The following APLF variants were observed in gnomAD, a reference collection of about 807,000 sequenced individuals.
APLF encodes the protein aprataxin and PNKP like factor.
In APLF, 61 loss-of-function variants were observed where a neutral mutation model predicts 55.6. The ratio of observed to expected loss-of-function variants is 1.10; its 90% CI spans 0.89 to 1.36. The LOEUF (loss-of-function observed/expected upper bound fraction) is 1.36. Ranked by LOEUF, APLF falls within the 40% of genes most tolerant of loss-of-function variation. The pLI is 0.00. For synonymous variants in APLF, 207 were observed against 214.8 expected, an observed-to-expected ratio of 0.96 and a Z score of 0.32; for missense variants, 611 against 602.5, an observed-to-expected ratio of 1.01 and a Z score of -0.15.
At chr2:68,472,570 A>G (rs1439854233) in intron 1 of APLF, among the ~76,000 whole-genome samples, 2 of 152,204 alleles carry the variant, frequency 1.3e-5, no homozygotes, top group African/African-American at 4.8e-5. Context: ...GTCACAGGGT[A>G]CAGAGAGGTA....
chr2:68,563,321 TC>T, intron 8 of APLF: 1 of 983,966 alleles, frequency 1.0e-6, no homozygotes, highest in Non-Finnish European at 1.2e-6. Flanking sequence ...TTTCTGCTCT[TC>T]CTTTTTGGAA....
At chr2:68,567,060 ATT>A (rs1315843874) in intron 8 of APLF, among the ~76,000 whole-genome samples, 1 of 152,080 alleles carries the variant, frequency 6.6e-6, no homozygotes, top group Non-Finnish European at 1.5e-5. Flanking sequence ...AATATGATAT[ATT>A]ATGGAAATAT....
At chr2:68,505,039 G>T (rs918485980) in intron 3 of APLF, among the ~76,000 whole-genome samples, 3 of 151,998 alleles carry the variant, frequency 2.0e-5, no homozygotes, top group South Asian at 2.1e-4. Flanking sequence ...TCACACTTCA[G>T]ATATGTGCAT....
At position 68,527,940 on chromosome 2, in the gene APLF, C is replaced by A. The variant is rs183491023; in HGVS notation, c.804+1698C>A. On this transcript the variant is annotated intron_variant, in intron 6 of 9. Transcript: ENST00000303795. ...GGCACTCCTCACTGCCCAGACGGGG[C>A]AGGGCCCGGGCAGAGGCGCCCTTCA... Among the ~76,000 whole-genome samples the A allele has an allele frequency of 2.1e-5, 3 of 146,208 alleles. No homozygotes were observed. The South Asian group carries it at 6.5e-4, about 32-fold the overall frequency.
In APLF at chr2:68,577,986, T is replaced by C. The variant is rs779774961; in HGVS notation, c.1500T>C (p.Leu500=). 5.6e-6 allele frequency: 9 copies of C among 1,613,338 alleles called. No individual in the cohort carries two copies. The highest frequency in any genetic ancestry group is 1.7e-5 in the Admixed American group (1 of 59,902). Reference sequence around the variant, plus strand: ...AAGAGAAGGAAGATGTGGAAGAGCTTTTGAAAGAAGCAAAAAGGTTTATGA... The same window carrying C: ...AAGAGAAGGAAGATGTGGAAGAGCTCTTGAAAGAAGCAAAAAGGTTTATGA... ...EDEEKEDVEE[L]LKEAKRFMKR... The change falls in exon 10 of 10, where the codon CTT becomes CTC. Residue 500 remains leucine (L), a synonymous_variant. Transcript: ENST00000303795.
intron 1 of APLF, among the ~76,000 whole-genome samples, chr2:68,486,721 T>G (rs1676186919): frequency 6.6e-6 from 1 of 152,204 alleles, no homozygotes; most frequent in Non-Finnish European, 1.5e-5. Flanking sequence ...TTTGTTGATT[T>G]CTTTGAAGAA....
chr2:68,501,271 A>G (rs1297581252), intron 2 of APLF, among the ~76,000 whole-genome samples: 1 of 152,158 alleles, frequency 6.6e-6, no homozygotes, highest in Non-Finnish European at 1.5e-5. Flanking sequence ...GTCTTCAAAG[A>G]TGTGTCTTTT....
chr2:68,559,193 T>G (rs1011865768), intron 8 of APLF, among the ~76,000 whole-genome samples: 3 of 152,128 alleles, frequency 2.0e-5, no homozygotes, highest in Non-Finnish European at 4.4e-5. Context: ...GCTTGTGCTC[T>G]GGGGGGTCTT....
rs35939417 is a variant in APLF, at chr2:68,568,051, C to A, written c.1333+664C>A. Among the ~76,000 whole-genome samples the A allele has an allele frequency of 2.8e-3, 421 of 152,184 alleles. 2 individuals are homozygous for A. The highest frequency in any genetic ancestry group is 5.0e-3 in the Non-Finnish European group (341 of 67,998). On this transcript the variant is annotated intron_variant, in intron 9 of 9. Transcript: ENST00000303795. ...GGAGTCACCTTCATCAGAACCATAG[C>A]CATCTCCAATAAAAGCTAGAGCTTT...
At chr2:68,540,334 A>G (rs1035756919) in intron 7 of APLF, among the ~76,000 whole-genome samples, 1 of 152,202 alleles carries the variant, frequency 6.6e-6, no homozygotes, top group African/African-American at 2.4e-5. Flanking sequence ...TGCAAAGGAC[A>G]TGAAGTCATT....
intron 9 of APLF, among the ~76,000 whole-genome samples, chr2:68,567,982 C>A (rs1273679360): frequency 6.6e-6 from 1 of 152,110 alleles, no homozygotes; most frequent in Non-Finnish European, 1.5e-5. Flanking sequence ...TTGATCCAAT[C>A]ACCATGGCCA....
chr2:68,555,157 A>C (rs936234340), intron 8 of APLF, among the ~76,000 whole-genome samples: 1 of 152,190 alleles, frequency 6.6e-6, no homozygotes, highest in Admixed American at 6.6e-5. Context: ...ACAAAAATCA[A>C]CTCAAGATGG....
At chr2:68,509,318 C>A (rs1676970837) in intron 3 of APLF, among the ~76,000 whole-genome samples, 2 of 152,014 alleles carry the variant, frequency 1.3e-5, no homozygotes, top group South Asian at 4.1e-4. Flanking sequence ...TTGCAATCTG[C>A]TCATCTGACA....
chr2:68,557,911 A>G (rs1008824824), intron 8 of APLF, among the ~76,000 whole-genome samples: 2 of 116,166 alleles, frequency 1.7e-5, no homozygotes, highest in African/African-American at 6.1e-5. Context: ...ACTCCATCTG[A>G]AAAAAAAAAA....
chr2:68,476,679 A>G (rs1297681398), intron 1 of APLF, among the ~76,000 whole-genome samples: 1 of 151,782 alleles, frequency 6.6e-6, no homozygotes, highest in African/African-American at 2.4e-5. Flanking sequence ...TTTTTAATTA[A>G]TATTATACTA....
At chr2:68,490,026 T>C (rs1676309729) in intron 1 of APLF, among the ~76,000 whole-genome samples, 164 bp from the exon 2 acceptor site, 1 of 152,198 alleles carries the variant, frequency 6.6e-6, no homozygotes, top group Admixed American at 6.5e-5. Context: ...CATTATTTGT[T>C]AAATGAGGAC....
At chr2:68,567,283 T>C in intron 8 of APLF, 58 bp from the exon 9 acceptor site, 1 of 1,442,596 alleles carries the variant, frequency 6.9e-7, no homozygotes, top group South Asian at 1.2e-5. Context: ...TTAGTGTAAA[T>C]AGTCATCAAC....
chr2:68,539,938 G>C (rs1490574841), intron 7 of APLF, among the ~76,000 whole-genome samples: 1 of 151,386 alleles, frequency 6.6e-6, no homozygotes, highest in Non-Finnish European at 1.5e-5. Context: ...AGAGTAGAAA[G>C]GAAAAAATAA....
rs76642227 is a variant in APLF, at chr2:68,514,401, T to C, written c.622+721T>C. Among the ~76,000 whole-genome samples, 751 of 151,926 alleles carry C rather than the reference T, an allele frequency of 4.9e-3. 5 individuals are homozygous for C. The highest frequency in any genetic ancestry group is 0.014 in the South Asian group (67 of 4,820). On this transcript the variant is annotated intron_variant, in intron 5 of 9. Transcript: ENST00000303795. ...TATGGATGATACATTGTAGAGGCTC[T>C]TGATTTTGTTATGTTCCTCTGAAGA...
Sources: gnomAD v4.1 joint callset for allele counts (sites outside exome capture counted in the v4.1 genomes callset) on GRCh38, gnomAD v4.1.1 for gene constraint, MANE v1.5 for transcripts, NCBI Gene and HGNC (gene_info 2026-07-23, HGNC 2026-07-21) for gene names.